The following ANKHD1 variants were observed in gnomAD, a reference collection of about 807,000 sequenced individuals.
ANKHD1 encodes the protein ankyrin repeat and KH domain-containing protein 1.
ANKHD1 carries 31 observed loss-of-function variants against 230.5 expected under a neutral mutation model. The observed-to-expected ratio is 0.13, with a 90% confidence interval of 0.10 to 0.18. ANKHD1 has a LOEUF of 0.18. ANKHD1 is among the 10% of genes least tolerant of loss of function. The pLI, the probability that ANKHD1 is intolerant of heterozygous loss-of-function variation, is 1.00. For missense variants in ANKHD1, 2,256 were observed against 3,071.3 expected, an observed-to-expected ratio of 0.73 and a Z score of 6.27; for synonymous variants, 1,074 against 1,117.6, an observed-to-expected ratio of 0.96 and a Z score of 0.78.
At chr5:140,439,830 T>C (rs1008053619) in intron 3 of ANKHD1, among the ~76,000 whole-genome samples, 1 of 152,214 alleles carries the variant, frequency 6.6e-6, no homozygotes, top group African/African-American at 2.4e-5. Context: ...ACATGCTTGG[T>C]CTAATGCTTT....
At chr5:140,419,772 CTTTT>C (rs1414436394) in intron 1 of ANKHD1, among the ~76,000 whole-genome samples, 2 of 136,788 alleles carry the variant, frequency 1.5e-5, no homozygotes, top group East Asian at 2.2e-4. Context: ...TCTTTCCTTT[CTTTT>C]TCTTTCTTTC....
rs1427465876 is a variant in ANKHD1, at chr5:140,509,744, A to G, written c.3873A>G (p.Ser1291=). 4.3e-6 allele frequency: 7 copies of G among 1,613,264 alleles called. No individual in the cohort carries two copies. The highest frequency in any genetic ancestry group is 5.9e-6 in the Non-Finnish European group (7 of 1,179,882). ...ADVNAPPVPS[S]RDTALTIAAD... ...TTAATGCTCCCCCTGTGCCTTCCTC[A>G]AGAGATACTGCTTTAACAATAGCAG... Residue 1291 remains serine (S), a synonymous_variant, in exon 21 of 34, where the codon TCA becomes TCG. Coordinates refer to ENST00000360839, the MANE Select transcript of ANKHD1 (RefSeq NM_017747.3).
At chr5:140,520,356 T>C (rs1458090091) in intron 24 of ANKHD1, among the ~76,000 whole-genome samples, 1 of 151,962 alleles carries the variant, frequency 6.6e-6, no homozygotes, top group Non-Finnish European at 1.5e-5. Context: ...TCAACCATTG[T>C]GGAAGTCAGT....
At chr5:140,528,159 G>C in intron 28 of ANKHD1, 25 bp from the exon 29 acceptor site, 1 of 1,462,752 alleles carries the variant, frequency 6.8e-7, no homozygotes, top group Non-Finnish European at 9.0e-7. Context: ...TTTTGGTCTT[G>C]TTTCTGTTTT....
intron 1 of ANKHD1, among the ~76,000 whole-genome samples, chr5:140,411,077 G>T (rs1029697140): frequency 2.0e-5 from 3 of 152,130 alleles, no homozygotes; most frequent in Admixed American, 2.0e-4. Flanking sequence ...AGTTCCTATT[G>T]AAGTTTTCAC....
chr5:140,537,300 A>G, intron 30 of ANKHD1, 89 bp from the exon 31 acceptor site: 3 of 1,496,464 alleles, frequency 2.0e-6, no homozygotes, highest in Admixed American at 2.4e-5. Context: ...ATAGTTTTTT[A>G]TATGTAATAA....
chr5:140,512,770 A>G, intron 22 of ANKHD1, 58 bp from the exon 23 acceptor site: 1 of 1,455,166 alleles, frequency 6.9e-7, no homozygotes, highest in Admixed American at 2.3e-5. Flanking sequence ...TTTTATTCTT[A>G]AGAATAATAA....
chr5:140,533,444 A>G (rs1753926425), intron 29 of ANKHD1, among the ~76,000 whole-genome samples: 1 of 151,922 alleles, frequency 6.6e-6, no homozygotes, highest in Non-Finnish European at 1.5e-5. Flanking sequence ...TAAAAATATA[A>G]AAAAATTAGC....
At chr5:140,431,580 A>G (rs1773048964) in intron 1 of ANKHD1, among the ~76,000 whole-genome samples, 1 of 152,206 alleles carries the variant, frequency 6.6e-6, no homozygotes, top group African/African-American at 2.4e-5. Flanking sequence ...TGGGGCAGAT[A>G]GTGTCTTTGT....
chr5:140,537,297 T>C, intron 30 of ANKHD1, 92 bp from the exon 31 acceptor site: 1 of 1,495,166 alleles, frequency 6.7e-7, no homozygotes, highest in Non-Finnish European at 8.9e-7. Flanking sequence ...CTTATAGTTT[T>C]TTATATGTAA....
chr5:140,415,465 G>T (rs183844479), intron 1 of ANKHD1, among the ~76,000 whole-genome samples: 125 of 140,712 alleles, frequency 8.9e-4, no homozygotes, highest in African/African-American at 3.2e-3. Flanking sequence ...TTGAGATGGA[G>T]TCTTGCTCTG....
At chr5:140,518,609 C>T (rs1453874910) in intron 24 of ANKHD1, among the ~76,000 whole-genome samples, 1 of 152,080 alleles carries the variant, frequency 6.6e-6, no homozygotes, top group Non-Finnish European at 1.5e-5. Flanking sequence ...TGGGCTTCAT[C>T]CCTGGGATGC....
At chr5:140,503,553 C>CTTTTTTTTTTTTTTTTTTTTTTTT (rs70988767) in intron 15 of ANKHD1, among the ~76,000 whole-genome samples, 2 of 51,418 alleles carry the variant, frequency 3.9e-5, no homozygotes, top group Non-Finnish European at 6.6e-5. Flanking sequence ...AGTTTTCTTT[C>CTTTTTTTTTTTTTTTTTTTTTTTT]TTTTTTTTTT....
chr5:140,436,575 T>G, intron 2 of ANKHD1, among the ~76,000 whole-genome samples: 1 of 152,014 alleles, frequency 6.6e-6, no homozygotes, highest in East Asian at 1.9e-4. Flanking sequence ...TGAAACCCTG[T>G]CTCTACTAAA....
At chr5:140,433,644 A>G (rs954222833) in intron 1 of ANKHD1, among the ~76,000 whole-genome samples, 12 of 152,116 alleles carry the variant, frequency 7.9e-5, no homozygotes, top group Non-Finnish European at 1.6e-4. Flanking sequence ...TTGTATTATC[A>G]TAGTGAGAGA....
intron 15 of ANKHD1, among the ~76,000 whole-genome samples, chr5:140,500,665 A>AAGAAAG (rs1554092040): frequency 2.6e-5 from 3 of 115,498 alleles, no homozygotes; most frequent in African/African-American, 6.3e-5. Flanking sequence ...AAAAAAAAAA[A>AAGAAAG]AAAAGAAAAG....
In ANKHD1 at chr5:140,537,510, A is replaced by G; in HGVS notation, c.7149A>G (p.Ala2383=). 2 of 1,613,980 alleles carry G rather than the reference A, an allele frequency of 1.2e-6. No individual in the cohort carries two copies. Among genetic ancestry groups the G allele is most frequent in the Non-Finnish European group, 1.7e-6 (2 of 1,179,940 alleles). ...GAATTCGGCAAGGAGGGTCTGTTGC[A>G]CAAGCCCCGGCGGGGACCAGTTTTG... is the stretch of plus-strand genomic sequence containing the variant. ...LARIRQGGSV[A]QAPAGTSFVA... is the part of the protein sequence containing the mutation. The change falls in exon 31 of 34, where the codon GCA becomes GCG. Residue 2383 remains alanine, a synonymous_variant. Coordinates refer to ENST00000360839, the MANE Select transcript of ANKHD1 (RefSeq NM_017747.3).
At chr5:140,519,132 T>C (rs1214088155) in intron 24 of ANKHD1, among the ~76,000 whole-genome samples, 7 of 152,170 alleles carry the variant, frequency 4.6e-5, no homozygotes, top group South Asian at 4.1e-4. Context: ...AGCATTCTTA[T>C]ACACCAACAA....
intron 15 of ANKHD1, among the ~76,000 whole-genome samples, chr5:140,500,214 C>T (rs1250588510): frequency 6.6e-6 from 1 of 152,104 alleles, no homozygotes; most frequent in East Asian, 1.9e-4. Flanking sequence ...TAAAAATCAC[C>T]TAATATCAAT....
Sources: gnomAD v4.1 joint callset for allele counts (sites outside exome capture counted in the v4.1 genomes callset) on GRCh38, gnomAD v4.1.1 for gene constraint, MANE v1.5 for transcripts, NCBI Gene and HGNC (gene_info 2026-07-23, HGNC 2026-07-21) for gene names.